The following SCGB2B2 variants were observed in gnomAD, a reference collection of about 807,000 sequenced individuals.
SCGB2B2 encodes the protein secretoglobin-like protein.
In SCGB2B2, 11 loss-of-function variants were observed where a neutral mutation model predicts 7.6. The ratio of observed to expected loss-of-function variants is 1.45; its 90% CI spans 0.91 to 2.40. The LOEUF (loss-of-function observed/expected upper bound fraction) is 2.40, where lower values mean the gene tolerates loss of function less well. SCGB2B2 is among the 30% of genes most tolerant of loss of function. The pLI, the probability that SCGB2B2 is intolerant of heterozygous loss-of-function variation, is 0.00. For synonymous variants in SCGB2B2, 50 were observed against 48.6 expected, an observed-to-expected ratio of 1.03 and a Z score of -0.12; for missense variants, 104 against 115.4, an observed-to-expected ratio of 0.90 and a Z score of 0.45.
At position 34,592,997 on chromosome 19, in the gene SCGB2B2, AGT is replaced by A. The variant is rs1212177835; in HGVS notation, c.*556_*557del. 6.6e-6 allele frequency among the ~76,000 whole-genome samples: 1 copy of A among 152,094 alleles called. No individual in the cohort carries two copies. The highest frequency in any genetic ancestry group is 1.9e-4 in the East Asian group (1 of 5,176). ...CAGCTTGGGTAGGTAGGGATGGAGA[AGT>A]GTGTTAAGGTTGATTTCCTGGGTTC... On this transcript the variant is annotated 3_prime_UTR_variant, in exon 4 of 4. Coordinates refer to ENST00000601241, the MANE Select transcript of SCGB2B2 (RefSeq NM_001025591.4).
chr19:34,631,461 C>A (rs2066533208), intron 1 of SCGB2B2, among the ~76,000 whole-genome samples: 1 of 151,822 alleles, frequency 6.6e-6, no homozygotes, highest in Admixed American at 6.6e-5. Context: ...ATGAATATTT[C>A]TATAAAAATT....
At position 34,613,110 on chromosome 19, in the gene SCGB2B2, T is replaced by C. The variant is rs879437956; in HGVS notation, c.-2031-16516A>G. On this transcript the variant is annotated intron_variant, in intron 1 of 3. Coordinates refer to ENST00000601241, the MANE Select transcript of SCGB2B2 (RefSeq NM_001025591.4). ...TCTCTTCATTTTCTTTTCTTTTTTT[T>C]TTTTTTGAGATGGAGTTTCACTTTG... Among the ~76,000 whole-genome samples the C allele has an allele frequency of 3.5e-3, 536 of 152,172 alleles. 4 individuals carry two copies. The highest frequency in any genetic ancestry group is 5.9e-3 in the Non-Finnish European group (402 of 67,994).
At chr19:34,621,726 T>C (rs2066247937) in intron 1 of SCGB2B2, among the ~76,000 whole-genome samples, 1 of 152,226 alleles carries the variant, frequency 6.6e-6, no homozygotes. Flanking sequence ...ATTCTTATCA[T>C]TCCTTTCACT....
At chr19:34,626,455 A>G (rs1329252239) in intron 1 of SCGB2B2, among the ~76,000 whole-genome samples, 1 of 152,254 alleles carries the variant, frequency 6.6e-6, no homozygotes, top group Non-Finnish European at 1.5e-5. Flanking sequence ...GAACTACATG[A>G]TGAAAGCACA....
chr19:34,593,458 T>C lies in SCGB2B2; in HGVS notation c.*97A>G, dbSNP rs1030099903. 3.1e-5 allele frequency: 27 copies of C among 879,668 alleles called. No homozygotes were observed. The highest frequency in any genetic ancestry group is 1.7e-4 in the Admixed American group (8 of 46,024). The allele number at this position is 879,668 out of a possible 1,614,324, so 54.5% of individuals were successfully genotyped here. A position where few individuals can be genotyped will look rare whatever the true frequency, so the allele number is the denominator to read the frequency against. On this transcript the variant is annotated 3_prime_UTR_variant, in exon 4 of 4. Coordinates refer to ENST00000601241, the MANE Select transcript of SCGB2B2 (RefSeq NM_001025591.4). ...CACAGAACTGAGCTGCAGGTGTTCA[T>C]TGGGGTCTCTGTAGTGATGAACAGA... is the stretch of plus-strand genomic sequence containing the variant.
chr19:34,610,768 GTTT>G (rs548680772), intron 1 of SCGB2B2, among the ~76,000 whole-genome samples: 1 of 139,688 alleles, frequency 7.2e-6, no homozygotes, highest in Admixed American at 7.1e-5. Flanking sequence ...TTGGCCTATA[GTTT>G]TTTTTTTTTT....
intron 1 of SCGB2B2, among the ~76,000 whole-genome samples, chr19:34,618,894 G>C (rs1308283941): frequency 6.6e-6 from 1 of 152,184 alleles, no homozygotes; most frequent in Non-Finnish European, 1.5e-5. Context: ...CCTGGCCTAA[G>C]CCTTACCTAA....
intron 1 of SCGB2B2, among the ~76,000 whole-genome samples, chr19:34,662,046 A>C (rs1568442927): frequency 1.3e-5 from 2 of 151,790 alleles, no homozygotes; most frequent in African/African-American, 4.8e-5. Context: ...CTCCAAGCTA[A>C]TTTTTTTGTA....
chr19:34,619,556 G>C lies in SCGB2B2; in HGVS notation c.-2031-22962C>G, dbSNP rs559161044. On this transcript the variant is annotated intron_variant, in intron 1 of 3. Coordinates refer to ENST00000601241, the MANE Select transcript of SCGB2B2 (RefSeq NM_001025591.4). ...CGGCAAGCAATTTTTATGAGATGTA[G>C]AATCTCCCCAAAGGTAGTTCAGGAA... is the stretch of plus-strand genomic sequence containing the variant. Among the ~76,000 whole-genome samples the C allele has an allele frequency of 2.1e-3, 324 of 152,238 alleles. 2 individuals are homozygous for C. The highest frequency in any genetic ancestry group is 7.5e-3 in the African/African-American group (312 of 41,542).
intron 1 of SCGB2B2, among the ~76,000 whole-genome samples, chr19:34,671,267 A>G (rs2067795386): frequency 6.6e-6 from 1 of 152,248 alleles, no homozygotes; most frequent in South Asian, 2.1e-4. Flanking sequence ...TGTTGAAAAC[A>G]CGATCTTCAG....
At chr19:34,594,446 T>C in intron 2 of SCGB2B2, 57 bp downstream of exon 2, 1 of 1,603,688 alleles carries the variant, frequency 6.2e-7, no homozygotes, top group Admixed American at 1.7e-5. Flanking sequence ...GGGATGGTGA[T>C]GAGAGTGAAG....
intron 1 of SCGB2B2, among the ~76,000 whole-genome samples, chr19:34,605,153 T>A (rs546755150): frequency 1.1e-4 from 16 of 152,364 alleles, no homozygotes; most frequent in African/African-American, 3.8e-4. Context: ...TTGGTCTGAG[T>A]TCCTTCACAG....
At chr19:34,634,159 A>C (rs1168166438) in intron 1 of SCGB2B2, among the ~76,000 whole-genome samples, 1 of 152,218 alleles carries the variant, frequency 6.6e-6, no homozygotes, top group Non-Finnish European at 1.5e-5. Context: ...TCACAGCTAT[A>C]GCACACTCTG....
chr19:34,615,463 A>G (rs947162960), intron 1 of SCGB2B2, among the ~76,000 whole-genome samples: 16 of 149,456 alleles, frequency 1.1e-4, no homozygotes, highest in African/African-American at 3.9e-4. Flanking sequence ...TTCATTCTCA[A>G]TGTAGGCATC....
chr19:34,633,278 A>G (rs1324668260), intron 1 of SCGB2B2, among the ~76,000 whole-genome samples: 1 of 152,238 alleles, frequency 6.6e-6, no homozygotes, highest in African/African-American at 2.4e-5. Flanking sequence ...TGAAACACTC[A>G]GTCCTGTTAC....
chr19:34,615,290 T>C (rs2066040291), intron 1 of SCGB2B2, among the ~76,000 whole-genome samples: 1 of 152,184 alleles, frequency 6.6e-6, no homozygotes, highest in Non-Finnish European at 1.5e-5. Flanking sequence ...GCTTAGTGTC[T>C]AAAATACTCC....
At chr19:34,635,006 A>C (rs1162097167) in intron 1 of SCGB2B2, 1 of 292,572 alleles carries the variant, frequency 3.4e-6, no homozygotes, top group Non-Finnish European at 7.1e-6. Flanking sequence ...CATTCAGTGC[A>C]CTTATAAGGC....
chr19:34,588,868 G>T (rs1304157896), downstream of SCGB2B2, among the ~76,000 whole-genome samples: 4 of 58,576 alleles, frequency 6.8e-5, no homozygotes, highest in Non-Finnish European at 1.4e-4. Flanking sequence ...GAGACCTGGA[G>T]AAGGTCAAGT....
chr19:34,653,213 G>A (rs930813938), intron 1 of SCGB2B2, among the ~76,000 whole-genome samples: 1 of 151,132 alleles, frequency 6.6e-6, no homozygotes, highest in African/African-American at 2.5e-5. Context: ...GTAGTTGGGG[G>A]AGGTGGGACT....
Sources: gnomAD v4.1 joint callset for allele counts (sites outside exome capture counted in the v4.1 genomes callset) on GRCh38, gnomAD v4.1.1 for gene constraint, MANE v1.5 for transcripts, NCBI Gene and HGNC (gene_info 2026-07-23, HGNC 2026-07-21) for gene names.